Variants in CHST11 observed in about 807,000 individuals in gnomAD.
The protein encoded by CHST11 is C4S-1.
Under a neutral mutation model 30.4 loss-of-function variants are expected in CHST11, and 9 were observed. The observed-to-expected ratio is 0.30, with a 90% confidence interval of 0.18 to 0.52. The LOEUF is 0.52. Among genes scored for constraint, CHST11 ranks in the 20% least tolerant of loss-of-function variants. CHST11 has a pLI of 0.97. For missense variants in CHST11, 348 were observed against 460.6 expected (o/e 0.76, Z 2.24); for synonymous variants, 152 against 187.8 (o/e 0.81, Z 1.56).
intron 2 of CHST11, among the ~76,000 whole-genome samples, chr12:104,756,532 G>GTGTGTGTGTGTGTGT: frequency 7.0e-6 from 1 of 143,398 alleles, no homozygotes; most frequent in East Asian, 2.1e-4. Flanking sequence ...ATCCATGTGG[G>GTGTGTGTGTGTGTGT]GTGTGTGTGT....
chr12:104,742,598 G>A (rs1380454694), intron 2 of CHST11, among the ~76,000 whole-genome samples: 1 of 152,206 alleles, frequency 6.6e-6, no homozygotes, highest in Non-Finnish European at 1.5e-5. Context: ...CAGCTTGGCA[G>A]CAGCCCCATT....
intron 1 of CHST11, among the ~76,000 whole-genome samples, chr12:104,597,060 G>A (rs147910114): frequency 6.6e-6 from 1 of 152,248 alleles, no homozygotes; most frequent in Non-Finnish European, 1.5e-5. Flanking sequence ...GGGGTCACAG[G>A]GAGTCGCCCA....
chr12:104,750,428 CTTTT>C (rs10659007), intron 2 of CHST11, among the ~76,000 whole-genome samples: 1,662 of 48,262 alleles, frequency 0.034, 3 homozygotes, highest in Middle Eastern at 0.058. Flanking sequence ...TATTTCTGCA[CTTTT>C]TTTTTTTTTT....
intron 1 of CHST11, among the ~76,000 whole-genome samples, chr12:104,539,771 C>T (rs1463550656): frequency 6.6e-6 from 1 of 152,178 alleles, no homozygotes; most frequent in African/African-American, 2.4e-5. Context: ...GGGATTGGTT[C>T]CAGAACCTCC....
chr12:104,667,843 T>C (rs1276053251), intron 2 of CHST11, among the ~76,000 whole-genome samples: 1 of 152,190 alleles, frequency 6.6e-6, no homozygotes, highest in African/African-American at 2.4e-5. Context: ...TGGCGAGCTT[T>C]CAAACACCTT....
At chr12:104,621,934 C>T (rs1223047330) in intron 2 of CHST11, among the ~76,000 whole-genome samples, 1 of 152,150 alleles carries the variant, frequency 6.6e-6, no homozygotes, top group Non-Finnish European at 1.5e-5. Context: ...CCGGCAGCAG[C>T]GTGGTGAGTC....
intron 1 of CHST11, among the ~76,000 whole-genome samples, chr12:104,488,579 GTGTATGTATGCGTATGTATGCGTA>G (rs1305758108): frequency 7.4e-6 from 1 of 135,926 alleles, no homozygotes; most frequent in Non-Finnish European, 1.7e-5. Flanking sequence ...GTGTATGTGT[GTGTATGTATGCGTATGTATGCGTA>G]TGTGTGTATG....
In CHST11 at chr12:104,729,602, A is replaced by G. The variant is rs2040240602; in HGVS notation, c.205-27347A>G. ...AGGAACATGGAAGGATGGCTGTCATAGGTGCCATGAGTGACAGAAGCAGCG... is the reference window on the plus strand; with the variant it reads ...AGGAACATGGAAGGATGGCTGTCATGGGTGCCATGAGTGACAGAAGCAGCG... On this transcript the variant is annotated intron_variant, in intron 2 of 2. Coordinates refer to ENST00000303694, the MANE Select transcript of CHST11 (RefSeq NM_018413.6). The surrounding 1 kb of genome is among the most constrained non-coding windows in gnomAD (Gnocchi z 4.0). 2.0e-5 allele frequency among the ~76,000 whole-genome samples: 3 copies of G among 152,168 alleles called. No individual in the cohort carries two copies. Among genetic ancestry groups the G allele is most frequent in the African/African-American group, 7.2e-5 (3 of 41,448 alleles).
chr12:104,502,743 A>G (rs2037863607), intron 1 of CHST11, among the ~76,000 whole-genome samples: 1 of 152,338 alleles, frequency 6.6e-6, no homozygotes, highest in Non-Finnish European at 1.5e-5. Flanking sequence ...GAAAGAGTTC[A>G]TGAAAGAATT....
At chr12:104,697,302 T>G (rs1379073126) in intron 2 of CHST11, among the ~76,000 whole-genome samples, 1 of 152,108 alleles carries the variant, frequency 6.6e-6, no homozygotes, top group African/African-American at 2.4e-5. Context: ...TCTGTGAGGG[T>G]GTTTCTGGAA....
At position 104,758,960 on chromosome 12, in the gene CHST11, T is replaced by C. The variant is rs1052278579; in HGVS notation, c.*1157T>C. 1.3e-5 allele frequency: 2 copies of C among 152,186 alleles called. No homozygotes were observed. The highest frequency in any genetic ancestry group is 4.1e-4 in the South Asian group (2 of 4,824). The allele number at this position is 152,186 out of a possible 1,614,324, so 9.4% of individuals were successfully genotyped here. A position where few individuals can be genotyped will look rare whatever the true frequency, so the allele number is the denominator to read the frequency against. On this transcript the variant is annotated 3_prime_UTR_variant, in exon 3 of 3. Transcript: ENST00000303694. ...AGTGTGGAAGAGTGCTGTGGTTGAT[T>C]AGCAATGTCTGCCTTGGGTGAGGAA...
intron 1 of CHST11, among the ~76,000 whole-genome samples, chr12:104,464,411 T>C (rs1449156406): frequency 6.6e-6 from 1 of 152,158 alleles, no homozygotes; most frequent in Non-Finnish European, 1.5e-5. Flanking sequence ...TAGTGTACTT[T>C]GGTTAAGTGG....
intron 1 of CHST11, among the ~76,000 whole-genome samples, chr12:104,523,129 C>T (rs752349747): frequency 7.2e-5 from 11 of 152,216 alleles, no homozygotes; most frequent in Non-Finnish European, 1.3e-4. Flanking sequence ...CTGTTCAGGC[C>T]ACCATAGGGT....
rs1315227587 is a variant in CHST11, at chr12:104,456,950, T to A, written c.-462T>A. 6.6e-6 allele frequency: 1 copy of A among 152,316 alleles called. No homozygotes were observed. Among genetic ancestry groups the A allele is most frequent in the East Asian group, 1.9e-4 (1 of 5,166 alleles). 9.4% of individuals were successfully genotyped at this position (152,316 alleles called of 1,614,324 possible). ...CCTCGCCGGGGGCCGCGAGTTGCATTTGGTAAAACCCAGCCCCGGAATATA... is the reference window on the plus strand; with the variant it reads ...CCTCGCCGGGGGCCGCGAGTTGCATATGGTAAAACCCAGCCCCGGAATATA... On this transcript the variant is annotated 5_prime_UTR_variant, in exon 1 of 3. It adds an upstream start codon to the 5' untranslated region. Coordinates refer to ENST00000303694, the MANE Select transcript of CHST11 (RefSeq NM_018413.6).
At chr12:104,508,497 G>C (rs1452383712) in intron 1 of CHST11, among the ~76,000 whole-genome samples, 1 of 152,204 alleles carries the variant, frequency 6.6e-6, no homozygotes, top group African/African-American at 2.4e-5. Context: ...CCCTGTTGCT[G>C]TTGAAGCAAG....
intron 1 of CHST11, among the ~76,000 whole-genome samples, chr12:104,497,925 T>A (rs935818337): frequency 2.1e-5 from 3 of 143,888 alleles, no homozygotes; most frequent in African/African-American, 7.8e-5. Context: ...TTTTTTTTTT[T>A]TTTTTTTTTG....
intron 1 of CHST11, among the ~76,000 whole-genome samples, chr12:104,595,323 T>G (rs758048200): frequency 6.6e-6 from 1 of 152,120 alleles, no homozygotes; most frequent in Non-Finnish European, 1.5e-5. Context: ...CAGGTAGAGA[T>G]TGTTCTCACA....
intron 1 of CHST11, among the ~76,000 whole-genome samples, chr12:104,505,787 T>C (rs1398882528): frequency 6.6e-6 from 1 of 152,230 alleles, no homozygotes; most frequent in East Asian, 1.9e-4. Flanking sequence ...TCCGTTATTA[T>C]TTGCTTAGCA....
At chr12:104,575,477 G>A (rs536326087) in intron 1 of CHST11, among the ~76,000 whole-genome samples, 4 of 152,156 alleles carry the variant, frequency 2.6e-5, no homozygotes, top group Non-Finnish European at 5.9e-5. Context: ...CAGGGATGAG[G>A]GTGCCAGGAA....
Sources: allele counts gnomAD v4.1 joint callset (sites outside exome capture counted in the v4.1 genomes callset), GRCh38; gene constraint gnomAD v4.1.1; non-coding constraint Gnocchi (gnomAD v3.1); transcripts MANE v1.5; gene names NCBI Gene and HGNC (gene_info 2026-07-23, HGNC 2026-07-21).